SUSD4: variants seen among roughly 807,000 people sequenced by gnomAD.
SUSD4 encodes the protein sushi domain-containing protein 4.
Under a neutral mutation model 50.5 loss-of-function variants are expected in SUSD4, and 41 were observed. The observed-to-expected ratio is 0.81, with a 90% confidence interval of 0.63 to 1.05. SUSD4 has a LOEUF of 1.05. SUSD4 is among the 50% of genes least tolerant of loss of function. SUSD4 has a pLI of 0.00. For missense variants in SUSD4, 580 were observed against 634.7 expected (o/e 0.91, Z 0.93); for synonymous variants, 257 against 257.3 (o/e 1.00, Z 0.01).
chr1:223,359,045 C>G (rs1459051885), intron 2 of SUSD4: 1 of 471,128 alleles, frequency 2.1e-6, no homozygotes, highest in Admixed American at 2.3e-5. Context: ...TCCAGGAGCT[C>G]AATTCAGCTG....
rs549514560 is a variant in SUSD4 at position 223,312,530 on chromosome 1, G to A, written c.149-19879C>T. ...CAGAAGGTTCCAGAGCCTCATGACC[G>A]TATCTAAAAACAGAGGAATTTGGAA... On this transcript the variant is annotated intron_variant, in intron 2 of 8. Transcript: ENST00000366878. 5.3e-5 allele frequency among the ~76,000 whole-genome samples: 8 copies of A among 152,170 alleles called. No homozygotes were observed. In the East Asian group the frequency reaches 7.7e-4, roughly 15 times the overall value.
intron 3 of SUSD4, among the ~76,000 whole-genome samples, chr1:223,283,882 C>T (rs1663940551): frequency 6.6e-6 from 1 of 152,142 alleles, no homozygotes. Flanking sequence ...ACATATGCAC[C>T]ATGGAATACT....
At chr1:223,303,383 G>A (rs1034641887) in intron 2 of SUSD4, among the ~76,000 whole-genome samples, 6 of 152,198 alleles carry the variant, frequency 3.9e-5, no homozygotes, top group Admixed American at 1.3e-4. Context: ...CTGGGCACTG[G>A]GGGAAGGAGC....
intron 3 of SUSD4, among the ~76,000 whole-genome samples, chr1:223,285,508 G>C (rs1006386225): frequency 1.4e-4 from 22 of 152,112 alleles, no homozygotes; most frequent in Non-Finnish European, 1.9e-4. Context: ...GCAACGATAA[G>C]GTATGCACTA....
intron 2 of SUSD4, among the ~76,000 whole-genome samples, chr1:223,342,156 A>C (rs1667796901): frequency 6.6e-6 from 1 of 152,166 alleles, no homozygotes; most frequent in Non-Finnish European, 1.5e-5. Flanking sequence ...TGGGTACCCA[A>C]GACAGAGATC....
chr1:223,328,601 T>C (rs1337033282), intron 2 of SUSD4, among the ~76,000 whole-genome samples: 1 of 152,190 alleles, frequency 6.6e-6, no homozygotes, highest in Non-Finnish European at 1.5e-5. Context: ...AGAAAGACAA[T>C]GCTCGCTGTT....
intron 7 of SUSD4, among the ~76,000 whole-genome samples, chr1:223,226,650 A>G (rs551027912): frequency 6.6e-6 from 1 of 152,356 alleles, no homozygotes; most frequent in African/African-American, 2.4e-5. Flanking sequence ...CTCCATGAGC[A>G]ATAGTCCCTT....
At chr1:223,331,213 G>A (rs948163635) in intron 2 of SUSD4, among the ~76,000 whole-genome samples, 12 of 152,204 alleles carry the variant, frequency 7.9e-5, no homozygotes, top group African/African-American at 2.9e-4. Flanking sequence ...TCAGGATGGT[G>A]ATGACTGCCA....
chr1:223,287,941 G>A (rs1056298020), intron 3 of SUSD4, among the ~76,000 whole-genome samples: 7 of 152,170 alleles, frequency 4.6e-5, no homozygotes, highest in Non-Finnish European at 7.3e-5. Flanking sequence ...CTGCAAAGAG[G>A]AAACTCAAAG....
At chr1:223,310,670 A>G (rs1275146844) in intron 2 of SUSD4, among the ~76,000 whole-genome samples, 1 of 152,186 alleles carries the variant, frequency 6.6e-6, no homozygotes, top group Non-Finnish European at 1.5e-5. Context: ...TGATTTTTCT[A>G]TTTTTCCTTA....
chr1:223,278,295 C>T (rs980295926), intron 3 of SUSD4, among the ~76,000 whole-genome samples: 1 of 152,146 alleles, frequency 6.6e-6, no homozygotes, highest in African/African-American at 2.4e-5. Context: ...CACAAGGGGT[C>T]AGGGAATTCC....
upstream of SUSD4, among the ~76,000 whole-genome samples, chr1:223,364,849 G>T (rs1026875831): frequency 6.6e-6 from 1 of 152,052 alleles, no homozygotes; most frequent in African/African-American, 2.4e-5. This position sits in a 1 kb window ranked among gnomAD's most constrained non-coding sequence, Gnocchi z 4.5. Context: ...ACCCCTCCCC[G>T]CTCCCATCTC....
At chr1:223,291,222 G>A (rs373029288) in intron 3 of SUSD4, among the ~76,000 whole-genome samples, 14 of 152,202 alleles carry the variant, frequency 9.2e-5, no homozygotes, top group South Asian at 4.1e-4. Flanking sequence ...GCCGGGTGCC[G>A]TGGCTCATGC....
chr1:223,322,152 G>A (rs1666609841), intron 2 of SUSD4, among the ~76,000 whole-genome samples: 2 of 151,370 alleles, frequency 1.3e-5, no homozygotes, highest in Non-Finnish European at 2.9e-5. Flanking sequence ...ATGAGATTGT[G>A]AGATATTTAT....
In SUSD4 at chr1:223,292,572, A is replaced by G. The variant is rs1346084049; in HGVS notation, c.228T>C (p.Phe76=). 6.2e-7 allele frequency: 1 copy of G among 1,614,142 alleles called. No homozygotes were observed. The highest frequency in any genetic ancestry group is 1.7e-5 in the Admixed American group (1 of 60,008). Reference sequence around the variant, plus strand: ...AGTGAAATCGGGCTACAGAGCCTTCAAAGAAAACCCCTCCGCTGGGGGTCC... The same window carrying G: ...AGTGAAATCGGGCTACAGAGCCTTCGAAGAAAACCCCTCCGCTGGGGGTCC... ...GFRTPSGGVF[F]EGSVARFHCQ... The change falls in exon 3 of 9, where the codon TTT becomes TTC. Residue 76 remains phenylalanine, a synonymous_variant. Transcript: ENST00000366878.
intron 5 of SUSD4, among the ~76,000 whole-genome samples, chr1:223,262,381 T>A (rs1020173359): frequency 1.3e-5 from 2 of 152,160 alleles, no homozygotes; most frequent in African/African-American, 4.8e-5. Context: ...GCAAATCGTG[T>A]GCTTAGGAAG....
At chr1:223,246,823 TTA>T (rs1474306082) in intron 5 of SUSD4, among the ~76,000 whole-genome samples, 1 of 152,140 alleles carries the variant, frequency 6.6e-6, no homozygotes, top group Non-Finnish European at 1.5e-5. Flanking sequence ...CTTAACCAAT[TTA>T]TATGTTTCAT....
chr1:223,359,935 G>GA (rs1668879938), intron 2 of SUSD4, among the ~76,000 whole-genome samples: 1 of 83,538 alleles, frequency 1.2e-5, no homozygotes, highest in Non-Finnish European at 2.8e-5. Context: ...GGCTCAGGAC[G>GA]GGGTAGGCAC....
intron 7 of SUSD4, among the ~76,000 whole-genome samples, chr1:223,225,170 G>A (rs760610570): frequency 5.9e-5 from 9 of 151,926 alleles, no homozygotes; most frequent in Non-Finnish European, 1.2e-4. Flanking sequence ...GTGCCCGGCC[G>A]GAACTTGGTT....
Sources: allele counts gnomAD v4.1 joint callset (sites outside exome capture counted in the v4.1 genomes callset), GRCh38; gene constraint gnomAD v4.1.1; non-coding constraint Gnocchi (gnomAD v3.1); transcripts MANE v1.5; gene names NCBI Gene and HGNC (gene_info 2026-07-23, HGNC 2026-07-21).